Variants in RSF1 observed in about 807,000 individuals in gnomAD.
The protein encoded by RSF1 is HBV pX-associated protein 8.
RSF1 carries 13 observed loss-of-function variants against 145.2 expected under a neutral mutation model. That is an observed-to-expected ratio of 0.09 (90% confidence interval 0.06 to 0.14). The LOEUF is 0.14. Among genes scored for constraint, RSF1 ranks in the 10% least tolerant of loss-of-function variants. The pLI is 1.00. For synonymous variants in RSF1, 577 were observed against 592.6 expected, an observed-to-expected ratio of 0.97 and a Z score of 0.38; for missense variants, 1,517 against 1,718.2, an observed-to-expected ratio of 0.88 and a Z score of 2.07.
chr11:77,833,872 C>T, the RSF1 span, among the ~76,000 whole-genome samples: 1 of 152,088 alleles, frequency 6.6e-6, no homozygotes, highest in South Asian at 2.1e-4. Flanking sequence ...TTGAGTAATT[C>T]TACCTTCCTA....
intron 7 of RSF1, among the ~76,000 whole-genome samples, chr11:77,697,182 A>T (rs1331644423): frequency 6.6e-6 from 1 of 151,994 alleles, no homozygotes; most frequent in Non-Finnish European, 1.5e-5. Context: ...TGCTTTTCCC[A>T]TCACATCATA....
intron 9 of RSF1, among the ~76,000 whole-genome samples, chr11:77,685,633 A>G (rs1247638423): frequency 6.6e-6 from 1 of 152,160 alleles, no homozygotes; most frequent in East Asian, 1.9e-4. Context: ...ATATAGTATT[A>G]GTATGTGTGG....
At chr11:77,682,133 C>T (rs1191840440) in intron 11 of RSF1, among the ~76,000 whole-genome samples, 2 of 152,056 alleles carry the variant, frequency 1.3e-5, no homozygotes, top group African/African-American at 2.4e-5. Flanking sequence ...CAGAAGAAAA[C>T]TTTTTATTTT....
chr11:77,765,836 C>G (rs181413958), intron 1 of RSF1, among the ~76,000 whole-genome samples: 120 of 152,310 alleles, frequency 7.9e-4, no homozygotes, highest in African/African-American at 2.7e-3. Flanking sequence ...TAATCTCCGC[C>G]TCCTGGGTTC....
the RSF1 span, among the ~76,000 whole-genome samples, chr11:77,864,027 A>T: frequency 6.6e-6 from 1 of 151,308 alleles, no homozygotes; most frequent in African/African-American, 2.4e-5. Flanking sequence ...CCCATGTTTA[A>T]GCGATTCTCC....
At chr11:77,679,696 AAG>A (rs1385697046) in intron 11 of RSF1, among the ~76,000 whole-genome samples, 1 of 151,774 alleles carries the variant, frequency 6.6e-6, no homozygotes, top group Non-Finnish European at 1.5e-5. Context: ...AGAAAAGAAA[AAG>A]AGTCCCAATA....
chr11:77,709,728 C>T (rs553096099), intron 5 of RSF1, among the ~76,000 whole-genome samples: 1 of 151,716 alleles, frequency 6.6e-6, no homozygotes, highest in Non-Finnish European at 1.5e-5. Context: ...TTTTTAGAGA[C>T]AATGTCTTGC....
intron 8 of RSF1, 113 bp from the exon 9 acceptor site, chr11:77,691,351 G>C (rs1002863367): frequency 1.3e-6 from 1 of 781,882 alleles, no homozygotes. Context: ...GGACCACATA[G>C]TAAGTGAACA....
intron 1 of RSF1, among the ~76,000 whole-genome samples, chr11:77,804,853 T>C (rs1948661684): frequency 6.6e-6 from 1 of 152,182 alleles, no homozygotes; most frequent in South Asian, 2.1e-4. Flanking sequence ...TAAAGAGTTG[T>C]TCCTCAGATG....
chr11:77,870,877 CT>C, the RSF1 span, among the ~76,000 whole-genome samples: 1 of 152,148 alleles, frequency 6.6e-6, no homozygotes, highest in Non-Finnish European at 1.5e-5. Context: ...TATTCTATAA[CT>C]TTTTCCCCCA....
At chr11:77,832,831 A>G in the RSF1 span, among the ~76,000 whole-genome samples, 15 of 151,706 alleles carry the variant, frequency 9.9e-5, no homozygotes, top group African/African-American at 3.6e-4. Context: ...AGCAGTCCCT[A>G]ACCTTTTTGG....
intron 1 of RSF1, among the ~76,000 whole-genome samples, chr11:77,789,439 C>T (rs537657841): frequency 1.8e-4 from 27 of 152,318 alleles, no homozygotes; most frequent in African/African-American, 4.8e-4. Context: ...TCAAGTGATG[C>T]ATGGACTACT....
chr11:77,702,222 G>A lies in RSF1; in HGVS notation c.1007C>T (p.Thr336Ile). The change falls in exon 6 of 16, where the codon ACC (threonine) becomes ATC (isoleucine). Residue 336 changes from threonine to isoleucine, a missense_variant. Around this residue, in one of 12 missense-constraint regions of RSF1, gnomAD observed 207 missense variants for 191.4 expected, o/e 1.08. Coordinates refer to ENST00000308488, the MANE Select transcript of RSF1 (RefSeq NM_016578.4). ...CACTGGCTTCTCCATGCTACTTTTG[G>A]TATCTTTAGGATCTGCTCTACATTC... ...VKECRADPKDTKSSMEKPVAQ... is the reference protein window; with the variant it reads ...VKECRADPKDIKSSMEKPVAQ... The A allele has an allele frequency of 4.3e-6, 7 of 1,613,832 alleles. No individual in the cohort carries two copies. Among genetic ancestry groups the A allele is most frequent in the Non-Finnish European group, 5.9e-6 (7 of 1,179,936 alleles).
At chr11:77,870,398 G>A in the RSF1 span, among the ~76,000 whole-genome samples, 20,070 of 141,474 alleles carry the variant, frequency 0.14, 1,534 homozygotes, top group Admixed American at 0.21. Flanking sequence ...GTGCAGTGGC[G>A]CCATCTTGGC....
At chr11:77,822,857 C>T (rs912205273), upstream of RSF1, among the ~76,000 whole-genome samples, 8 of 152,172 alleles carry the variant, frequency 5.3e-5, no homozygotes, top group Non-Finnish European at 1.2e-4. Context: ...GAAGTATACA[C>T]TTAAAGTGGT....
In RSF1 at chr11:77,679,965, A is replaced by C. The variant is rs556197286; in HGVS notation, c.3066-1812T>G. On this transcript the variant is annotated intron_variant, in intron 11 of 15. Transcript: ENST00000308488. ...TAATTACTAGCCTGTGTGGCTATTTATATTTAAATTCATTAAAATTTAAAA... is the reference window on the plus strand; with the variant it reads ...TAATTACTAGCCTGTGTGGCTATTTCTATTTAAATTCATTAAAATTTAAAA... 2.0e-5 allele frequency among the ~76,000 whole-genome samples: 3 copies of C among 152,302 alleles called. No homozygotes were observed. The East Asian group carries it at 5.8e-4, about 29-fold the overall frequency.
intron 1 of RSF1, among the ~76,000 whole-genome samples, chr11:77,766,340 A>G (rs1376742397): frequency 6.6e-6 from 1 of 152,212 alleles, no homozygotes; most frequent in Non-Finnish European, 1.5e-5. Flanking sequence ...TCATTCTTTC[A>G]TTCTCTACTA....
chr11:77,750,549 G>A (rs1173592671), intron 2 of RSF1, among the ~76,000 whole-genome samples: 3 of 152,212 alleles, frequency 2.0e-5, no homozygotes, highest in Non-Finnish European at 2.9e-5. Flanking sequence ...CAGGCAGGAT[G>A]TGGCTCATGA....
the RSF1 span, among the ~76,000 whole-genome samples, chr11:77,855,027 G>A: frequency 6.6e-6 from 1 of 152,184 alleles, no homozygotes; most frequent in Non-Finnish European, 1.5e-5. Context: ...ACCCTCTGAA[G>A]CATCAGCCTG....
Sources: gnomAD v4.1 joint callset for allele counts (sites outside exome capture counted in the v4.1 genomes callset) on GRCh38, gnomAD v4.1.1 for gene constraint, gnomAD v4.1.1 regional missense constraint, MANE v1.5 for transcripts, NCBI Gene and HGNC (gene_info 2026-07-23, HGNC 2026-07-21) for gene names.